The following CTNNA2 variants were observed in gnomAD, a reference collection of about 807,000 sequenced individuals.
CTNNA2 encodes catenin alpha-2.
In CTNNA2, 42 loss-of-function variants were observed where a neutral mutation model predicts 101.0. The observed-to-expected ratio is 0.42, with a 90% confidence interval of 0.32 to 0.54. The LOEUF (loss-of-function observed/expected upper bound fraction) is 0.54. CTNNA2 is among the 20% of genes least tolerant of loss of function. The pLI is 0.14. For synonymous variants in CTNNA2, 450 were observed against 456.4 expected, an observed-to-expected ratio of 0.99 and a Z score of 0.18; for missense variants, 871 against 1,223.1, an observed-to-expected ratio of 0.71 and a Z score of 4.29.
intron 7 of CTNNA2, among the ~76,000 whole-genome samples, chr2:79,926,203 T>C (rs1391128623): frequency 1.3e-5 from 2 of 152,058 alleles, no homozygotes; most frequent in African/African-American, 4.8e-5. Flanking sequence ...CTCCACAGGG[T>C]TTCCTTCATT....
chr2:79,221,536 G>A (rs1674345318), intron 2 of CTNNA2, among the ~76,000 whole-genome samples: 1 of 152,124 alleles, frequency 6.6e-6, no homozygotes. Context: ...ATTTATCACA[G>A]AAATGTTTAT....
Position 80,648,432 on chromosome 2 carries a change from GCTT to G in CTNNA2, c.*564_*566del, listed in dbSNP as rs1674341809. On this transcript the variant is annotated 3_prime_UTR_variant, in exon 19 of 19. Coordinates refer to ENST00000402739, the MANE Select transcript of CTNNA2 (RefSeq NM_001282597.3). ...GAAATTAACTAGTCCAGCCTAAAAT[GCTT>G]CTTTTAATCTGCATTCTGTTTCCTC... 6.6e-6 allele frequency: 1 copy of G among 152,528 alleles called. No homozygotes were observed. Among genetic ancestry groups the G allele is most frequent in the African/African-American group, 2.4e-5 (1 of 41,430 alleles). 9.4% of individuals were successfully genotyped at this position (152,528 alleles called of 1,614,324 possible).
intron 2 of CTNNA2, among the ~76,000 whole-genome samples, chr2:79,299,557 C>A (rs1272165484): frequency 6.6e-6 from 1 of 152,140 alleles, no homozygotes; most frequent in Non-Finnish European, 1.5e-5. Flanking sequence ...AATTAAAAAT[C>A]CCAAACTAAA....
chr2:79,625,957 G>A (rs1177534616), intron 1 of CTNNA2, among the ~76,000 whole-genome samples: 2 of 152,150 alleles, frequency 1.3e-5, no homozygotes, highest in Non-Finnish European at 2.9e-5. Context: ...GAGATTTCTG[G>A]GCTTCTTGGA....
Position 80,102,063 on chromosome 2 carries a change from G to A in CTNNA2, c.1056+192266G>A, listed in dbSNP as rs114504893. On this transcript the variant is annotated intron_variant, in intron 7 of 18. Transcript: ENST00000402739. ...TCCCCTATCAGCAAACTGGGCACAG[G>A]CACCATGTGTGTGTGGCTTTGCTCC... Among the ~76,000 whole-genome samples, 535 of 152,278 alleles carry A rather than the reference G, an allele frequency of 3.5e-3. 2 individuals carry two copies. Among genetic ancestry groups the A allele is most frequent in the African/African-American group, 0.012 (481 of 41,554 alleles).
At chr2:80,470,572 C>G (rs1411707620) in intron 9 of CTNNA2, among the ~76,000 whole-genome samples, 1 of 152,088 alleles carries the variant, frequency 6.6e-6, no homozygotes, top group African/African-American at 2.4e-5. Context: ...ACTGAACTTG[C>G]CAATGAGGTT....
intron 1 of CTNNA2, among the ~76,000 whole-genome samples, chr2:79,572,002 G>A (rs889153354): frequency 2.6e-5 from 4 of 151,936 alleles, no homozygotes; most frequent in Admixed American, 6.6e-5. Flanking sequence ...GCCCATTTTC[G>A]GCCTCATTGA....
intron 10 of CTNNA2, 114 bp from the exon 11 acceptor site, chr2:80,545,793 A>T: frequency 2.1e-6 from 2 of 965,850 alleles, no homozygotes; most frequent in Non-Finnish European, 3.0e-6. Flanking sequence ...AACACCAAGA[A>T]CCCACTTATC....
intron 7 of CTNNA2, among the ~76,000 whole-genome samples, chr2:80,290,388 T>A (rs536249872): frequency 1.3e-5 from 2 of 152,028 alleles, no homozygotes; most frequent in Admixed American, 1.3e-4. Flanking sequence ...GACCTTCTCA[T>A]TTCTTCCCCA....
intron 7 of CTNNA2, among the ~76,000 whole-genome samples, chr2:80,316,714 A>G (rs1207365329): frequency 6.6e-6 from 1 of 152,128 alleles, no homozygotes; most frequent in Non-Finnish European, 1.5e-5. Context: ...TGAAGCTATA[A>G]CTGATGTTCT....
chr2:79,669,236 A>G (rs1037595626), intron 2 of CTNNA2, among the ~76,000 whole-genome samples: 1 of 152,240 alleles, frequency 6.6e-6, no homozygotes, highest in African/African-American at 2.4e-5. Context: ...AAATGTTGGT[A>G]ATAGGATCAG....
At chr2:80,222,944 G>T (rs1194688419) in intron 7 of CTNNA2, among the ~76,000 whole-genome samples, 1 of 152,146 alleles carries the variant, frequency 6.6e-6, no homozygotes, top group Non-Finnish European at 1.5e-5. Context: ...CATCTAAAAT[G>T]ACTGTGGACT....
intron 7 of CTNNA2, among the ~76,000 whole-genome samples, chr2:79,989,171 A>G (rs1379237328): frequency 6.6e-6 from 1 of 152,220 alleles, no homozygotes; most frequent in Non-Finnish European, 1.5e-5. Flanking sequence ...AACCCTTAAC[A>G]AGTAACGGTT....
intron 9 of CTNNA2, among the ~76,000 whole-genome samples, chr2:80,440,601 G>A (rs1016557730): frequency 6.6e-6 from 1 of 151,862 alleles, no homozygotes; most frequent in Non-Finnish European, 1.5e-5. Context: ...ATAGATCATT[G>A]CAGATCCAGC....
At chr2:79,840,005 T>C (rs1413974876) in intron 3 of CTNNA2, among the ~76,000 whole-genome samples, 2 of 152,200 alleles carry the variant, frequency 1.3e-5, no homozygotes, top group African/African-American at 4.8e-5. Context: ...ACTAAAACAT[T>C]CTTATCTGAG....
At chr2:80,383,674 A>G (rs994657250) in intron 7 of CTNNA2, among the ~76,000 whole-genome samples, 1 of 152,160 alleles carries the variant, frequency 6.6e-6, no homozygotes, top group African/African-American at 2.4e-5. Context: ...CCTATAAAGA[A>G]GGAGGACGTT....
chr2:80,479,255 G>A (rs1247449298), intron 9 of CTNNA2, among the ~76,000 whole-genome samples: 1 of 151,962 alleles, frequency 6.6e-6, no homozygotes, highest in Non-Finnish European at 1.5e-5. Flanking sequence ...TTAGCTCCTT[G>A]GGGGACAGCT....
intron 7 of CTNNA2, among the ~76,000 whole-genome samples, chr2:79,950,719 G>A (rs1257065897): frequency 6.6e-6 from 1 of 152,188 alleles, no homozygotes; most frequent in African/African-American, 2.4e-5. Context: ...AATAAAAATA[G>A]TGTAGCAGGC....
intron 9 of CTNNA2, among the ~76,000 whole-genome samples, chr2:80,491,884 G>A (rs894370933): frequency 3.3e-5 from 5 of 152,108 alleles, no homozygotes; most frequent in Admixed American, 1.3e-4. Context: ...GAGCCAACCC[G>A]TATACTCCAG....
Sources: allele counts gnomAD v4.1 joint callset (sites outside exome capture counted in the v4.1 genomes callset), GRCh38; gene constraint gnomAD v4.1.1; transcripts MANE v1.5; gene names NCBI Gene and HGNC (gene_info 2026-07-23, HGNC 2026-07-21).